Variants in XRN2 observed in about 807,000 individuals in gnomAD.
The protein encoded by XRN2 is DHM1-like protein.
A neutral mutation model predicts 138.5 loss-of-function variants in XRN2; 44 were observed. That is an observed-to-expected ratio of 0.32 (90% CI 0.25 to 0.41). XRN2 has a LOEUF of 0.41. Among genes scored for constraint, XRN2 ranks in the 10% least tolerant of loss-of-function variants. The probability of loss-of-function intolerance (pLI) is 1.00; values close to 1 mark genes in which losing one functional copy is unlikely to be tolerated. For missense variants in XRN2, 937 were observed against 1,169.3 expected (o/e 0.80, Z 2.90); for synonymous variants, 354 against 369.4 (o/e 0.96, Z 0.48).
At chr20:21,374,632 A>G (rs769257308) in intron 27 of XRN2, among the ~76,000 whole-genome samples, 6 of 152,154 alleles carry the variant, frequency 3.9e-5, no homozygotes, top group Non-Finnish European at 8.8e-5. Context: ...TTAAACCAAC[A>G]TGGCATTTCT....
intron 20 of XRN2, among the ~76,000 whole-genome samples, chr20:21,353,097 T>C (rs1158892760): frequency 6.7e-6 from 1 of 149,342 alleles, no homozygotes. Flanking sequence ...GAATTGATAT[T>C]GTAGAAAAGT....
chr20:21,352,390 C>T (rs553434550), intron 20 of XRN2, among the ~76,000 whole-genome samples: 2 of 152,012 alleles, frequency 1.3e-5, no homozygotes, highest in East Asian at 1.9e-4. Context: ...TGCAGTGACG[C>T]GATCTCGGCT....
chr20:21,333,794 G>A lies in XRN2; in HGVS notation c.1024G>A (p.Val342Met), dbSNP rs755263995. The A allele has an allele frequency of 6.2e-7, 1 of 1,614,134 alleles. No individual in the cohort carries two copies. The highest frequency in any genetic ancestry group is 2.2e-5 in the East Asian group (1 of 44,868). ...IDDWVFMCFF[V>M]GNDFLPHLPS... is the part of the protein sequence containing the mutation. ...TGACTGGGTTTTCATGTGCTTCTTT[G>A]TGGGAAATGACTTCCTCCCTCATTT... The change falls in exon 11 of 30, where the codon GTG (valine) becomes ATG (methionine). Residue 342 changes from valine (V) to methionine (M), a missense_variant. Transcript: ENST00000377191.
intron 27 of XRN2, among the ~76,000 whole-genome samples, chr20:21,372,661 T>C (rs1049667813): frequency 6.6e-6 from 1 of 152,218 alleles, no homozygotes; most frequent in Non-Finnish European, 1.5e-5. Context: ...TATTTTTACA[T>C]ATAGTTTTTT....
chr20:21,388,005 C>A (rs562482265), intron 29 of XRN2, among the ~76,000 whole-genome samples: 1 of 152,304 alleles, frequency 6.6e-6, no homozygotes, highest in East Asian at 1.9e-4. Context: ...GCTTTGAATT[C>A]TTTCAGCCCA....
At chr20:21,346,381 T>G (rs1202152246) in intron 16 of XRN2, 34 bp from the exon 17 acceptor site, 1 of 1,611,940 alleles carries the variant, frequency 6.2e-7, no homozygotes, top group Middle Eastern at 1.6e-4. Context: ...GAAGGTGTGT[T>G]AATTCAGCAT....
intron 4 of XRN2, among the ~76,000 whole-genome samples, chr20:21,330,119 C>T (rs1021766669): frequency 6.6e-6 from 1 of 152,020 alleles, no homozygotes; most frequent in Non-Finnish European, 1.5e-5. Flanking sequence ...TGCGTCTCTA[C>T]TAAAAATACA....
At chr20:21,330,580 AAT>A in intron 5 of XRN2, 34 bp from the exon 6 acceptor site, 2 of 1,613,638 alleles carry the variant, frequency 1.2e-6, no homozygotes, top group South Asian at 2.2e-5. Flanking sequence ...CTAACTCTTA[AAT>A]GATAGGTTAA....
At chr20:21,324,131 A>G (rs769720829) in intron 1 of XRN2, among the ~76,000 whole-genome samples, 7 of 151,980 alleles carry the variant, frequency 4.6e-5, no homozygotes, top group South Asian at 2.1e-4. Flanking sequence ...ATCTTTTTCT[A>G]TAGACTCCAC....
chr20:21,321,972 C>T (rs999023350), intron 1 of XRN2, among the ~76,000 whole-genome samples: 3 of 152,130 alleles, frequency 2.0e-5, no homozygotes, highest in Non-Finnish European at 4.4e-5. Flanking sequence ...AGTGAAATTA[C>T]AATTAATTAG....
rs1258470901 is a variant in XRN2 at position 21,331,814 on chromosome 20, A to C, written c.696A>C (p.Ala232=). 1.4e-5 allele frequency: 22 copies of C among 1,611,160 alleles called. No homozygotes were observed. The highest frequency in any genetic ancestry group is 1.9e-5 in the Non-Finnish European group (22 of 1,179,324). The change falls in exon 8 of 30, where the codon GCA becomes GCC. Residue 232 remains alanine (A), a synonymous_variant. Transcript: ENST00000377191. ...DPNTHHCLCG[A]DADLIMLGLA... ...ATACTCATCATTGTTTATGTGGAGCAGATGGTAAGTTTCTTCTTTGGGATT... is the reference window on the plus strand; with the variant it reads ...ATACTCATCATTGTTTATGTGGAGCCGATGGTAAGTTTCTTCTTTGGGATT...
Position 21,340,848 on chromosome 20 carries a change from A to G in XRN2, c.1406A>G (p.Asn469Ser), listed in dbSNP as rs766198200. The change falls in exon 15 of 30, where the codon AAC becomes AGC. Residue 469 changes from asparagine (N) to serine (S), a missense_variant. By Grantham distance (46) the Asn-to-Ser change is conservative. Around this residue, in one of 6 missense-constraint regions of XRN2, gnomAD observed 471 missense variants for 581.2 expected, o/e 0.81. Transcript: ENST00000377191. The stretch of plus-strand genomic sequence containing the variant: ...GCCTATGAAATGAGGATGCAGAATA[A>G]CTCTGTAAGTGGCTTACTTTTATGT... ...QAAYEMRMQN[N>S]SSPSISPNTS... 3.3e-5 allele frequency: 54 copies of G among 1,613,682 alleles called. No homozygotes were observed. The highest frequency in any genetic ancestry group is 1.3e-4 in the Admixed American group (8 of 59,990).
chr20:21,334,567 T>C (rs901958306), intron 13 of XRN2, among the ~76,000 whole-genome samples: 1 of 151,736 alleles, frequency 6.6e-6, no homozygotes, highest in Admixed American at 6.6e-5. Flanking sequence ...ATGTAGGGAG[T>C]GTGGGTTGGA....
chr20:21,337,225 G>C (rs1394389635), intron 13 of XRN2, among the ~76,000 whole-genome samples: 2 of 152,224 alleles, frequency 1.3e-5, no homozygotes, highest in African/African-American at 4.8e-5. Flanking sequence ...AAAGCAGTGA[G>C]CCCCAGGCCA....
rs754114648 is a variant in XRN2 at position 21,362,874 on chromosome 20, G to T, written c.2256-2547G>T. Among the ~76,000 whole-genome samples, 17 of 152,146 alleles carry T rather than the reference G, an allele frequency of 1.1e-4. 1 individual carries two copies. Among genetic ancestry groups the T allele is most frequent in the African/African-American group, 4.1e-4 (17 of 41,424 alleles). Reference sequence around the variant, plus strand: ...TACTAGCTATGTTTTTTCCTTGGGAGAATTGAGAATGTACTCACTCATCAT... The same window carrying T: ...TACTAGCTATGTTTTTTCCTTGGGATAATTGAGAATGTACTCACTCATCAT... On this transcript the variant is annotated intron_variant, in intron 24 of 29. Transcript: ENST00000377191.
intron 4 of XRN2, among the ~76,000 whole-genome samples, chr20:21,330,111 C>T (rs528393965): frequency 1.3e-5 from 2 of 152,120 alleles, no homozygotes; most frequent in East Asian, 1.9e-4. Context: ...AATGAAACTG[C>T]GTCTCTACTA....
chr20:21,369,635 C>T (rs2038740439), intron 27 of XRN2, among the ~76,000 whole-genome samples: 1 of 152,162 alleles, frequency 6.6e-6, no homozygotes, highest in Non-Finnish European at 1.5e-5. Context: ...TGTTGAGCAA[C>T]TTTTTATATA....
At chr20:21,338,970 T>G (rs928603450) in intron 13 of XRN2, 74 bp from the exon 14 acceptor site, 2 of 1,419,748 alleles carry the variant, frequency 1.4e-6, no homozygotes, top group African/African-American at 2.9e-5. Flanking sequence ...GTCTCCCAAA[T>G]CATTCCTGGT....
chr20:21,316,685 T>C (rs975940730), intron 1 of XRN2, among the ~76,000 whole-genome samples: 4 of 152,248 alleles, frequency 2.6e-5, no homozygotes, highest in Admixed American at 6.5e-5. Flanking sequence ...TTGATTACTG[T>C]TGATTACAGA....
Sources: allele counts gnomAD v4.1 joint callset (sites outside exome capture counted in the v4.1 genomes callset), GRCh38; gene constraint gnomAD v4.1.1; regional missense constraint gnomAD v4.1.1; transcripts MANE v1.5; gene names NCBI Gene and HGNC (gene_info 2026-07-23, HGNC 2026-07-21).